TP63: variants seen among roughly 807,000 people sequenced by gnomAD.
The protein encoded by TP63 is tumor protein 63.
A neutral mutation model predicts 82.8 loss-of-function variants in TP63; 17 were observed. The ratio of observed to expected loss-of-function variants is 0.21; its 90% confidence interval spans 0.14 to 0.31. The LOEUF (loss-of-function observed/expected upper bound fraction) is 0.31, where lower values mean the gene tolerates loss of function less well. TP63 is among the 10% of genes least tolerant of loss of function. TP63 has a pLI of 1.00. For synonymous variants in TP63, 330 were observed against 321.7 expected (o/e 1.03, Z -0.28); for missense variants, 648 against 895.3 (o/e 0.72, Z 3.52).
intron 2 of TP63, among the ~76,000 whole-genome samples, chr3:189,738,102 T>C (rs1220713254): frequency 6.6e-6 from 1 of 152,222 alleles, no homozygotes; most frequent in Non-Finnish European, 1.5e-5. Context: ...GCCTAAGGCC[T>C]CCTGCACCAA....
chr3:189,836,133 A>T (rs986959406), intron 4 of TP63, among the ~76,000 whole-genome samples: 1 of 152,088 alleles, frequency 6.6e-6, no homozygotes, highest in African/African-American at 2.4e-5. Context: ...GGTTTTGTCC[A>T]TATTCCACAT....
chr3:189,729,210 T>A (rs983629531), intron 1 of TP63, among the ~76,000 whole-genome samples: 1 of 152,078 alleles, frequency 6.6e-6, no homozygotes, highest in African/African-American at 2.4e-5. Context: ...AAGAAATTGG[T>A]TAGGATAAAG....
chr3:189,866,160 C>G (rs914129298), intron 5 of TP63, among the ~76,000 whole-genome samples: 2 of 152,150 alleles, frequency 1.3e-5, no homozygotes, highest in Non-Finnish European at 2.9e-5. Context: ...ACACAAACAC[C>G]AGAACGTTTC....
At chr3:189,864,538 T>G in intron 5 of TP63, 120 bp downstream of exon 5, 2 of 561,146 alleles carry the variant, frequency 3.6e-6, no homozygotes. Flanking sequence ...CAGATCAGTC[T>G]GCCTTTTTTT....
intron 1 of TP63, among the ~76,000 whole-genome samples, chr3:189,678,076 G>A (rs917520903): frequency 1.3e-5 from 2 of 151,926 alleles, no homozygotes; most frequent in African/African-American, 4.8e-5. Context: ...TTCTTTTGCT[G>A]TGCAGAAGGT....
chr3:189,783,503 T>C (rs1724379067), intron 3 of TP63, among the ~76,000 whole-genome samples: 1 of 151,904 alleles, frequency 6.6e-6, no homozygotes, highest in Admixed American at 6.6e-5. Flanking sequence ...TTAAAAATCC[T>C]AAAGAAGTGA....
intron 3 of TP63, among the ~76,000 whole-genome samples, chr3:189,804,598 T>A (rs1726685562): frequency 6.6e-6 from 1 of 152,256 alleles, no homozygotes. Context: ...GCGATCTTTC[T>A]TTAAATCAAA....
At chr3:189,795,719 TCTCA>T (rs1320234045) in intron 3 of TP63, among the ~76,000 whole-genome samples, 1 of 152,030 alleles carries the variant, frequency 6.6e-6, no homozygotes, top group East Asian at 1.9e-4. Context: ...GGAATATTGA[TCTCA>T]CTAAGAGCGG....
chr3:189,776,321 T>C (rs1723789706), intron 3 of TP63, among the ~76,000 whole-genome samples: 1 of 152,208 alleles, frequency 6.6e-6, no homozygotes, highest in South Asian at 2.1e-4. Flanking sequence ...GAACACCGTG[T>C]TTCCCTCCAG....
intron 1 of TP63, among the ~76,000 whole-genome samples, chr3:189,735,780 C>G (rs533012398): frequency 3.3e-5 from 5 of 152,250 alleles, no homozygotes; most frequent in African/African-American, 1.2e-4. Flanking sequence ...CTCATGAATA[C>G]TGACTGTGGT....
At chr3:189,841,193 G>A (rs1208559260) in intron 4 of TP63, among the ~76,000 whole-genome samples, 1 of 152,110 alleles carries the variant, frequency 6.6e-6, no homozygotes, top group Non-Finnish European at 1.5e-5. Flanking sequence ...TGAATTTAAA[G>A]TTAAAACCTA....
intron 4 of TP63, 76 bp downstream of exon 4, chr3:189,808,602 C>T (rs1727193380): frequency 6.2e-7 from 1 of 1,603,966 alleles, no homozygotes; most frequent in Non-Finnish European, 8.5e-7. Context: ...GGGATTTCTC[C>T]CCCTTCCCAG....
Position 189,885,116 on chromosome 3 carries a change from A to T in TP63, c.1350-1278A>T, listed in dbSNP as rs531029696. On this transcript the variant is annotated intron_variant, in intron 10 of 13. Transcript: ENST00000264731. ...ATGTAAATATGCCTGTGACAGGGAA[A>T]AGGTAAACAGGAACAACATAATTCG... 4.6e-5 allele frequency among the ~76,000 whole-genome samples: 7 copies of T among 152,364 alleles called. No individual in the cohort carries two copies. In the South Asian group the frequency reaches 1.0e-3, roughly 23 times the overall value.
chr3:189,714,783 T>TAAACAC (rs889356245), intron 1 of TP63, among the ~76,000 whole-genome samples: 7 of 152,166 alleles, frequency 4.6e-5, no homozygotes, highest in African/African-American at 1.7e-4. Flanking sequence ...TCATTGAACG[T>TAAACAC]AAACACACAC....
At chr3:189,814,812 C>T (rs888290768) in intron 4 of TP63, among the ~76,000 whole-genome samples, 32 of 152,328 alleles carry the variant, frequency 2.1e-4, no homozygotes, top group African/African-American at 6.7e-4. Flanking sequence ...TTAACGTATT[C>T]GTGATGAGCC....
intron 10 of TP63, among the ~76,000 whole-genome samples, chr3:189,876,103 C>A (rs1404502952): frequency 6.6e-6 from 1 of 152,134 alleles, no homozygotes; most frequent in Admixed American, 6.5e-5. Context: ...GAAGAAAGCT[C>A]TGGAAATTTA....
chr3:189,797,351 G>T (rs185587192), intron 3 of TP63, among the ~76,000 whole-genome samples: 1 of 152,166 alleles, frequency 6.6e-6, no homozygotes. Flanking sequence ...TACCACCCCC[G>T]AAGTGAGCTT....
chr3:189,856,366 A>G (rs544911480), intron 4 of TP63, among the ~76,000 whole-genome samples: 1 of 151,916 alleles, frequency 6.6e-6, no homozygotes, highest in African/African-American at 2.4e-5. Flanking sequence ...AGAATTAGAT[A>G]TATCAAAACT....
intron 4 of TP63, among the ~76,000 whole-genome samples, chr3:189,817,839 C>T (rs1000813682): frequency 6.6e-6 from 1 of 151,448 alleles, no homozygotes; most frequent in African/African-American, 2.4e-5. Context: ...GTGTTTTATT[C>T]GTAACATTTT....
Sources: allele counts gnomAD v4.1 joint callset (sites outside exome capture counted in the v4.1 genomes callset), GRCh38; gene constraint gnomAD v4.1.1; transcripts MANE v1.5; gene names NCBI Gene and HGNC (gene_info 2026-07-23, HGNC 2026-07-21).